The following PLA2G12A variants were observed in gnomAD, a reference collection of about 807,000 sequenced individuals.
The protein encoded by PLA2G12A is phospholipase A2 group XIIA.
A neutral mutation model predicts 16.0 loss-of-function variants in PLA2G12A; 11 were observed. That is an observed-to-expected ratio of 0.69 (90% CI 0.43 to 1.13). PLA2G12A has a LOEUF of 1.13. Among genes scored for constraint, PLA2G12A ranks in the 50% most tolerant of loss-of-function variants. The pLI, the probability that PLA2G12A is intolerant of heterozygous loss-of-function variation, is 0.00. For missense variants in PLA2G12A, 214 were observed against 237.3 expected (o/e 0.90, Z 0.65); for synonymous variants, 77 against 93.8 (o/e 0.82, Z 1.03).
At chr4:109,728,432 G>C (rs1400773556) in intron 1 of PLA2G12A, among the ~76,000 whole-genome samples, 8 of 152,200 alleles carry the variant, frequency 5.3e-5, no homozygotes, top group Admixed American at 4.6e-4. Context: ...GCAACTATTT[G>C]ATCCTTAAAT....
rs78153515 is a variant in PLA2G12A, at chr4:109,727,412, A to G, written c.208+2190T>C. 1.9e-3 allele frequency among the ~76,000 whole-genome samples: 285 copies of G among 152,034 alleles called. 2 individuals carry two copies. The highest frequency in any genetic ancestry group is 6.5e-3 in the African/African-American group (268 of 41,466). On this transcript the variant is annotated intron_variant, in intron 1 of 3. Coordinates refer to ENST00000243501, the MANE Select transcript of PLA2G12A (RefSeq NM_030821.5). ...AGGCATGAGCCATTACGTCCTGCCTAATTTTTTTTTTCATTGAGATCCAAT... is the reference window on the plus strand; with the variant it reads ...AGGCATGAGCCATTACGTCCTGCCTGATTTTTTTTTTCATTGAGATCCAAT...
At chr4:109,716,632 TATC>T (rs991969721) in intron 3 of PLA2G12A, among the ~76,000 whole-genome samples, 2 of 152,126 alleles carry the variant, frequency 1.3e-5, no homozygotes, top group African/African-American at 2.4e-5. Flanking sequence ...GTGAGGTGAG[TATC>T]ATCATTCTTT....
At position 109,718,717 on chromosome 4, in the gene PLA2G12A, G is replaced by T; in HGVS notation, c.251C>A (p.Pro84Gln). ...AAACAGTGGAGAGCCACATCCATTC[G>T]GTGGGGAGGGTTTATAACCATAACG... ...FPRYGYKPSP[P>Q]NGCGSPLFGV... Residue 84 changes from proline (P) to glutamine (Q), a missense_variant, in exon 2 of 4, where the codon CCG becomes CAG. Coordinates refer to ENST00000243501, the MANE Select transcript of PLA2G12A (RefSeq NM_030821.5). 3.7e-6 allele frequency: 6 copies of T among 1,601,686 alleles called. No individual in the cohort carries two copies. Among genetic ancestry groups the T allele is most frequent in the Non-Finnish European group, 5.1e-6 (6 of 1,173,038 alleles).
At position 109,711,053 on chromosome 4, in the gene PLA2G12A, CTTTTTTTTTTTTTT is replaced by C. The variant is rs67674001; in HGVS notation, c.*3310_*3323del. ...AGAGCTGCTGACAGTTAGTTCTTGC[CTTTTTTTTTTTTTT>C]TTTTTTTTTGCTCTTTTAATGAGTT... On this transcript the variant is annotated 3_prime_UTR_variant, in exon 4 of 4. Coordinates refer to ENST00000243501, the MANE Select transcript of PLA2G12A (RefSeq NM_030821.5). 1.6e-4 allele frequency: 9 copies of C among 57,238 alleles called. No homozygotes were observed. The highest frequency in any genetic ancestry group is 2.2e-4 in the Non-Finnish European group (7 of 32,250). The allele number at this position is 57,238 out of a possible 1,614,324, so 3.5% of individuals were successfully genotyped here.
chr4:109,725,741 T>A (rs944536767), intron 1 of PLA2G12A, among the ~76,000 whole-genome samples: 2 of 152,208 alleles, frequency 1.3e-5, no homozygotes, highest in African/African-American at 4.8e-5. Flanking sequence ...TTTTCTAAAT[T>A]TGATGCAAAT....
rs968036744 is a variant in PLA2G12A, at chr4:109,730,059, C to T, written c.-250G>A. ...GCGCCCGCTCACCTGGGCCAGCAAC[C>T]GTCCCCTGTGCGCCTGCGCCGGAGC... On this transcript the variant is annotated 5_prime_UTR_variant, in exon 1 of 4. Coordinates refer to ENST00000243501, the MANE Select transcript of PLA2G12A (RefSeq NM_030821.5). 5.3e-5 allele frequency: 21 copies of T among 395,840 alleles called. No homozygotes were observed. In the East Asian group the frequency reaches 8.2e-4, roughly 15 times the overall value. 24.5% of individuals were successfully genotyped at this position (395,840 alleles called of 1,614,324 possible).
intron 2 of PLA2G12A, 84 bp from the exon 3 acceptor site, chr4:109,717,797 T>C (rs1730855067): frequency 3.9e-6 from 5 of 1,290,982 alleles, no homozygotes; most frequent in Non-Finnish European, 5.5e-6. Flanking sequence ...TAAATAGGTA[T>C]AAATGATAAT....
Position 109,713,146 on chromosome 4 carries a change from G to A in PLA2G12A, c.*1231C>T, listed in dbSNP as rs1244956736. 6.6e-6 allele frequency: 1 copy of A among 152,108 alleles called. No individual in the cohort carries two copies. Among genetic ancestry groups the A allele is most frequent in the African/African-American group, 2.4e-5 (1 of 41,406 alleles). 9.4% of individuals were successfully genotyped at this position (152,108 alleles called of 1,614,324 possible). A position where few individuals can be genotyped will look rare whatever the true frequency, so the allele number is the denominator to read the frequency against. On this transcript the variant is annotated 3_prime_UTR_variant, in exon 4 of 4. Coordinates refer to ENST00000243501, the MANE Select transcript of PLA2G12A (RefSeq NM_030821.5). ...TTCATCTTAATAACTTTGGCCATGG[G>A]TCACCCAAAGGATATATATGGCTTG...
Position 109,712,749 on chromosome 4 carries a change from G to A in PLA2G12A, c.*1628C>T, listed in dbSNP as rs1042528004. On this transcript the variant is annotated 3_prime_UTR_variant, in exon 4 of 4. Transcript: ENST00000243501. Reference sequence around the variant, plus strand: ...GACCTCAAGTGATCCAACCGCCTCAGCCTCCCAAAGTGCTGGGATTATAGG... The same window carrying A: ...GACCTCAAGTGATCCAACCGCCTCAACCTCCCAAAGTGCTGGGATTATAGG... The A allele has an allele frequency of 6.6e-6, 1 of 152,148 alleles. No individual in the cohort carries two copies. Among genetic ancestry groups the A allele is most frequent in the Non-Finnish European group, 1.5e-5 (1 of 68,054 alleles). The allele number at this position is 152,148 out of a possible 1,614,324, so 9.4% of individuals were successfully genotyped here.
At position 109,713,605 on chromosome 4, in the gene PLA2G12A, G is replaced by C. The variant is rs896869656; in HGVS notation, c.*772C>G. Reference sequence around the variant, plus strand: ...TCCATCTTTTCTCTAACTTGGCAAAGGTTATAGCAAAAGATGACATTTGTC... The same window carrying C: ...TCCATCTTTTCTCTAACTTGGCAAACGTTATAGCAAAAGATGACATTTGTC... On this transcript the variant is annotated 3_prime_UTR_variant, in exon 4 of 4. Coordinates refer to ENST00000243501, the MANE Select transcript of PLA2G12A (RefSeq NM_030821.5). 2 of 152,192 alleles carry C rather than the reference G, an allele frequency of 1.3e-5. No homozygotes were observed. Among genetic ancestry groups the C allele is most frequent in the African/African-American group, 4.8e-5 (2 of 41,452 alleles). The allele number at this position is 152,192 out of a possible 1,614,324, so 9.4% of individuals were successfully genotyped here.
chr4:109,719,623 C>A (rs1407982922), intron 1 of PLA2G12A, among the ~76,000 whole-genome samples: 1 of 152,166 alleles, frequency 6.6e-6, no homozygotes, highest in Non-Finnish European at 1.5e-5. Context: ...CAGGTTCAGT[C>A]CCAGATCATC....
rs1443824663 is a variant in PLA2G12A at position 109,713,557 on chromosome 4, ATCTTT to A, written c.*815_*819del. 1 of 152,262 alleles carries A rather than the reference ATCTTT, an allele frequency of 6.6e-6. No individual in the cohort carries two copies. The highest frequency in any genetic ancestry group is 2.4e-5 in the African/African-American group (1 of 41,476). The allele number at this position is 152,262 out of a possible 1,614,324, so 9.4% of individuals were successfully genotyped here. A position where few individuals can be genotyped will look rare whatever the true frequency, so the allele number is the denominator to read the frequency against. On this transcript the variant is annotated 3_prime_UTR_variant, in exon 4 of 4. Transcript: ENST00000243501. ...AGTGCCTTGATATATTAGGTTAAAT[ATCTTT>A]TCATTTATCTCATTAAATCCATCTT...
At chr4:109,726,643 T>C (rs1455329197) in intron 1 of PLA2G12A, among the ~76,000 whole-genome samples, 2 of 152,202 alleles carry the variant, frequency 1.3e-5, no homozygotes, top group East Asian at 3.8e-4. Flanking sequence ...TAATGACTTA[T>C]TCATCATTCT....
intron 1 of PLA2G12A, among the ~76,000 whole-genome samples, chr4:109,724,967 T>G (rs1722900873): frequency 6.6e-6 from 1 of 152,234 alleles, no homozygotes; most frequent in Admixed American, 6.5e-5. Context: ...GTTCTTTAGT[T>G]TTTTTCAAGG....
intron 1 of PLA2G12A, among the ~76,000 whole-genome samples, chr4:109,724,951 T>C (rs549030871): frequency 6.6e-6 from 1 of 152,300 alleles, no homozygotes; most frequent in African/African-American, 2.4e-5. Context: ...GGGGCATATG[T>C]GTATGGTTCT....
intron 1 of PLA2G12A, among the ~76,000 whole-genome samples, chr4:109,723,448 C>A (rs1372691003): frequency 6.6e-6 from 1 of 152,170 alleles, no homozygotes; most frequent in Non-Finnish European, 1.5e-5. Context: ...AGATATTAAT[C>A]AGGACAGAGG....
rs1029736001 is a variant in PLA2G12A at position 109,710,665 on chromosome 4, C to T, written c.*3712G>A. 2.0e-5 allele frequency: 3 copies of T among 152,254 alleles called. No homozygotes were observed. The highest frequency in any genetic ancestry group is 7.2e-5 in the African/African-American group (3 of 41,450). The allele number at this position is 152,254 out of a possible 1,614,324, so 9.4% of individuals were successfully genotyped here. A position where few individuals can be genotyped will look rare whatever the true frequency, so the allele number is the denominator to read the frequency against. ...ATTTTTAGTAGAGACAGGGTTTTGCCATGTTGGCCAAGCTGGTCTCGAACT... is the reference window on the plus strand; with the variant it reads ...ATTTTTAGTAGAGACAGGGTTTTGCTATGTTGGCCAAGCTGGTCTCGAACT... On this transcript the variant is annotated 3_prime_UTR_variant, in exon 4 of 4. Transcript: ENST00000243501.
At chr4:109,725,610 A>G (rs772379434) in intron 1 of PLA2G12A, among the ~76,000 whole-genome samples, 1 of 152,254 alleles carries the variant, frequency 6.6e-6, no homozygotes, top group Non-Finnish European at 1.5e-5. Flanking sequence ...AAGACTATTC[A>G]TTAATTTCCA....
At chr4:109,716,686 G>T (rs533178760) in intron 3 of PLA2G12A, among the ~76,000 whole-genome samples, 2 of 152,150 alleles carry the variant, frequency 1.3e-5, no homozygotes, top group East Asian at 1.9e-4. Flanking sequence ...TGCTAGTTTG[G>T]CTTTCTATCT....
Sources: allele counts gnomAD v4.1 joint callset (sites outside exome capture counted in the v4.1 genomes callset), GRCh38; gene constraint gnomAD v4.1.1; transcripts MANE v1.5; gene names NCBI Gene and HGNC (gene_info 2026-07-23, HGNC 2026-07-21).